The following PLXDC2 variants were observed in gnomAD, a reference collection of about 807,000 sequenced individuals.
PLXDC2 encodes the protein plexin domain-containing protein 2.
PLXDC2 carries 40 observed loss-of-function variants against 68.9 expected under a neutral mutation model. The ratio of observed to expected loss-of-function variants is 0.58; its 90% CI spans 0.45 to 0.76. The LOEUF is 0.76. Ranked by LOEUF, PLXDC2 falls within the 30% of genes least tolerant of loss-of-function variation. The probability of loss-of-function intolerance (pLI) is 0.00; values close to 1 mark genes in which losing one functional copy is unlikely to be tolerated. For synonymous variants in PLXDC2, 243 were observed against 234.2 expected (o/e 1.04, Z -0.34); for missense variants, 644 against 661.9 (o/e 0.97, Z 0.30).
intron 1 of PLXDC2, among the ~76,000 whole-genome samples, chr10:19,963,646 A>G (rs550881429): frequency 6.6e-6 from 1 of 152,028 alleles, no homozygotes. Flanking sequence ...ATGAGAACAC[A>G]TGGACACAGG....
intron 6 of PLXDC2, among the ~76,000 whole-genome samples, chr10:20,155,978 C>G (rs1834212146): frequency 6.6e-6 from 1 of 152,150 alleles, no homozygotes; most frequent in Admixed American, 6.5e-5. Flanking sequence ...CTCCCGAGTT[C>G]AAATGACTAT....
intron 4 of PLXDC2, among the ~76,000 whole-genome samples, chr10:20,117,918 T>A (rs1833643000): frequency 6.6e-6 from 1 of 152,202 alleles, no homozygotes; most frequent in Non-Finnish European, 1.5e-5. Context: ...TTAGACTAAG[T>A]AAGCTGGATG....
chr10:20,134,278 T>G (rs142271139), intron 4 of PLXDC2, among the ~76,000 whole-genome samples: 5 of 152,342 alleles, frequency 3.3e-5, no homozygotes, highest in African/African-American at 1.2e-4. Context: ...TTTCCTTGAT[T>G]ATTTGTGAGC....
chr10:19,844,705 C>T (rs1836971246), intron 1 of PLXDC2, among the ~76,000 whole-genome samples: 1 of 151,994 alleles, frequency 6.6e-6, no homozygotes, highest in Non-Finnish European at 1.5e-5. Flanking sequence ...AAGTGATCCT[C>T]CCACCTCAGC....
At chr10:20,108,983 A>G (rs1397851011) in intron 4 of PLXDC2, among the ~76,000 whole-genome samples, 3 of 152,204 alleles carry the variant, frequency 2.0e-5, no homozygotes, top group Non-Finnish European at 4.4e-5. Flanking sequence ...ACTGAAATCA[A>G]CAAATGTCTT....
intron 1 of PLXDC2, among the ~76,000 whole-genome samples, chr10:19,946,078 C>A (rs981004486): frequency 6.6e-6 from 1 of 152,166 alleles, no homozygotes; most frequent in Admixed American, 6.5e-5. Context: ...ATTGAAATCA[C>A]TGTTAACATC....
intron 4 of PLXDC2, among the ~76,000 whole-genome samples, chr10:20,095,684 A>T (rs1362210018): frequency 6.6e-6 from 1 of 152,176 alleles, no homozygotes; most frequent in Non-Finnish European, 1.5e-5. Context: ...AGGAGTACAG[A>T]TGTTATCTTG....
chr10:19,964,705 G>A (rs959603915), intron 1 of PLXDC2, among the ~76,000 whole-genome samples: 1 of 151,982 alleles, frequency 6.6e-6, no homozygotes, highest in Non-Finnish European at 1.5e-5. Flanking sequence ...AGTAGACAGA[G>A]CCTGAGCTCC....
chr10:20,282,816 G>T lies in PLXDC2; in HGVS notation c.*2997G>T, dbSNP rs1468800452. On this transcript the variant is annotated 3_prime_UTR_variant, in exon 14 of 14. Coordinates refer to ENST00000377252, the MANE Select transcript of PLXDC2 (RefSeq NM_032812.9). ...TACTAACACCTAGAAAACTAAAAGT[G>T]CAATTGACCCCCAATTACTATTTTA... The T allele has an allele frequency of 1.3e-5, 2 of 152,150 alleles. No homozygotes were observed. The highest frequency in any genetic ancestry group is 4.8e-5 in the African/African-American group (2 of 41,424). The allele number at this position is 152,150 out of a possible 1,614,324, so 9.4% of individuals were successfully genotyped here. A position where few individuals can be genotyped will look rare whatever the true frequency, so the allele number is the denominator to read the frequency against.
At chr10:20,092,674 C>G (rs1833296156) in intron 4 of PLXDC2, among the ~76,000 whole-genome samples, 1 of 151,840 alleles carries the variant, frequency 6.6e-6, no homozygotes, top group Non-Finnish European at 1.5e-5. Context: ...TAAATGTTAC[C>G]TCATAAAGAA....
At chr10:20,222,575 C>T (rs369528883) in intron 12 of PLXDC2, among the ~76,000 whole-genome samples, 134 of 152,192 alleles carry the variant, frequency 8.8e-4, no homozygotes, top group African/African-American at 3.2e-3. Context: ...TCTAAATAAT[C>T]TGGAAAAAGG....
At chr10:20,121,075 G>T (rs1027025805) in intron 4 of PLXDC2, among the ~76,000 whole-genome samples, 4 of 152,222 alleles carry the variant, frequency 2.6e-5, no homozygotes, top group Non-Finnish European at 5.9e-5. Context: ...AGGAACAATG[G>T]TAATTGTGGA....
intron 2 of PLXDC2, among the ~76,000 whole-genome samples, chr10:20,022,039 C>G (rs749581496): frequency 6.6e-6 from 1 of 152,168 alleles, no homozygotes; most frequent in South Asian, 2.1e-4. Context: ...GTTGAACTTT[C>G]AATTGTACTC....
chr10:19,971,606 C>A (rs1181317869), intron 1 of PLXDC2, among the ~76,000 whole-genome samples: 2 of 152,072 alleles, frequency 1.3e-5, no homozygotes, highest in African/African-American at 4.8e-5. Context: ...AGCTTCTGGG[C>A]AAAAGAAATA....
chr10:19,955,198 C>G (rs201327647), intron 1 of PLXDC2, among the ~76,000 whole-genome samples: 1 of 128,640 alleles, frequency 7.8e-6, no homozygotes, highest in African/African-American at 3.2e-5. Context: ...GCTCATTTTT[C>G]AATTTTTTTT....
intron 1 of PLXDC2, among the ~76,000 whole-genome samples, chr10:19,896,286 C>A (rs527398974): frequency 6.6e-6 from 1 of 152,196 alleles, no homozygotes; most frequent in Non-Finnish European, 1.5e-5. Flanking sequence ...TTCTGGCAAA[C>A]CATGGTGCTC....
At chr10:19,957,345 A>G (rs540201474) in intron 1 of PLXDC2, among the ~76,000 whole-genome samples, 40 of 152,194 alleles carry the variant, frequency 2.6e-4, no homozygotes, top group Non-Finnish European at 5.0e-4. Context: ...AAATACAGAA[A>G]GTTTAATATA....
chr10:20,176,537 A>G (rs1395881454), intron 7 of PLXDC2, among the ~76,000 whole-genome samples: 1 of 152,150 alleles, frequency 6.6e-6, no homozygotes, highest in Non-Finnish European at 1.5e-5. Context: ...TTTATTGAAG[A>G]AGTTTATTCT....
At chr10:20,044,066 T>C (rs149975892) in intron 2 of PLXDC2, among the ~76,000 whole-genome samples, 2 of 141,902 alleles carry the variant, frequency 1.4e-5, no homozygotes, top group African/African-American at 5.1e-5. Context: ...CACATCTAGA[T>C]AGACTTGCGC....
Sources: gnomAD v4.1 joint callset for allele counts (sites outside exome capture counted in the v4.1 genomes callset) on GRCh38, gnomAD v4.1.1 for gene constraint, MANE v1.5 for transcripts, NCBI Gene and HGNC (gene_info 2026-07-23, HGNC 2026-07-21) for gene names.